TAFA4: variants seen among roughly 807,000 people sequenced by gnomAD.
TAFA4 encodes chemokine-like protein TAFA-4.
Under a neutral mutation model 21.1 loss-of-function variants are expected in TAFA4, and 20 were observed. The ratio of observed to expected loss-of-function variants is 0.95; its 90% CI spans 0.67 to 1.38. The LOEUF is 1.38. TAFA4 is among the 40% of genes most tolerant of loss of function. The pLI is 0.00. For missense variants in TAFA4, 211 were observed against 180.9 expected, an observed-to-expected ratio of 1.17 and a Z score of -0.95; for synonymous variants, 71 against 67.4, an observed-to-expected ratio of 1.05 and a Z score of -0.26.
chr3:68,897,279 A>C (rs1403307996), intron 1 of TAFA4, among the ~76,000 whole-genome samples: 2 of 152,178 alleles, frequency 1.3e-5, no homozygotes, highest in Non-Finnish European at 2.9e-5. Flanking sequence ...TCAGTAAGTG[A>C]ACAGGACCTT....
Position 68,897,027 on chromosome 3 carries a change from C to T in TAFA4, c.-122-11717G>A, listed in dbSNP as rs150478231. On this transcript the variant is annotated intron_variant, in intron 1 of 5. Coordinates refer to ENST00000295569, the MANE Select transcript of TAFA4 (RefSeq NM_182522.5). The stretch of plus-strand genomic sequence containing the variant: ...AAGTGATTCTCCTGCCTCAGCCTCC[C>T]GAGTAGCTGGGACTACAGGCACACG... 1.4e-3 allele frequency among the ~76,000 whole-genome samples: 220 copies of T among 152,182 alleles called. 1 individual carries two copies. Among genetic ancestry groups the T allele is most frequent in the African/African-American group, 4.9e-3 (205 of 41,546 alleles).
intron 3 of TAFA4, among the ~76,000 whole-genome samples, chr3:68,848,692 C>T (rs1255334537): frequency 1.3e-5 from 2 of 152,166 alleles, no homozygotes; most frequent in Non-Finnish European, 2.9e-5. Flanking sequence ...ACCAGTGGCT[C>T]AGACAGTAAT....
At chr3:68,836,139 G>A (rs554664686) in intron 3 of TAFA4, among the ~76,000 whole-genome samples, 8 of 152,256 alleles carry the variant, frequency 5.3e-5, no homozygotes, top group South Asian at 4.1e-4. Context: ...CTCCCGCTTC[G>A]GGCCCCTTAT....
chr3:68,801,021 G>A (rs1359829286), intron 3 of TAFA4, among the ~76,000 whole-genome samples: 1 of 152,112 alleles, frequency 6.6e-6, no homozygotes, highest in East Asian at 1.9e-4. Context: ...GTGTTGAATG[G>A]CCAAGAGATG....
chr3:68,879,823 T>C (rs747753728), intron 3 of TAFA4, among the ~76,000 whole-genome samples: 6 of 152,178 alleles, frequency 3.9e-5, no homozygotes, highest in Non-Finnish European at 8.8e-5. Flanking sequence ...ACAAGACCTT[T>C]GGAGACAGAA....
chr3:68,856,245 T>C (rs111697586), intron 3 of TAFA4, among the ~76,000 whole-genome samples: 1,919 of 152,216 alleles, frequency 0.013, 37 homozygotes, highest in African/African-American at 0.044. Context: ...GGTAGGAGCA[T>C]GGCGGGAGAG....
intron 3 of TAFA4, among the ~76,000 whole-genome samples, chr3:68,781,846 C>T (rs547931881): frequency 1.3e-5 from 2 of 151,972 alleles, no homozygotes; most frequent in African/African-American, 2.4e-5. Flanking sequence ...AAAATAGATG[C>T]AAAAATCCTT....
At chr3:68,855,446 T>C (rs1449772555) in intron 3 of TAFA4, among the ~76,000 whole-genome samples, 3 of 152,094 alleles carry the variant, frequency 2.0e-5, no homozygotes, top group African/African-American at 4.8e-5. Context: ...TTCTGTATAA[T>C]AGTAAAAATT....
chr3:68,764,619 A>G (rs1702814125), intron 3 of TAFA4, among the ~76,000 whole-genome samples: 1 of 152,050 alleles, frequency 6.6e-6, no homozygotes, highest in Non-Finnish European at 1.5e-5. Flanking sequence ...AGCCTAATTC[A>G]TTTTCGATCA....
intron 3 of TAFA4, among the ~76,000 whole-genome samples, chr3:68,823,478 C>T (rs1367963891): frequency 2.0e-5 from 3 of 152,054 alleles, no homozygotes; most frequent in Admixed American, 2.0e-4. Context: ...GGTACATGTG[C>T]AGGACATACA....
chr3:68,909,135 C>T (rs1026316014), intron 1 of TAFA4, among the ~76,000 whole-genome samples: 9 of 152,118 alleles, frequency 5.9e-5, no homozygotes, highest in Admixed American at 3.3e-4. Context: ...CTAGACAACG[C>T]CATATGCCAA....
chr3:68,907,873 T>C (rs892849573), intron 1 of TAFA4, among the ~76,000 whole-genome samples: 2 of 152,206 alleles, frequency 1.3e-5, no homozygotes, highest in South Asian at 2.1e-4. Flanking sequence ...GTAAGCATCA[T>C]GCCAATCCCA....
At chr3:68,792,152 C>T (rs970878464) in intron 3 of TAFA4, among the ~76,000 whole-genome samples, 15 of 152,098 alleles carry the variant, frequency 9.9e-5, no homozygotes, top group Middle Eastern at 6.3e-3. Flanking sequence ...TTCACTCATT[C>T]GCAAAATGAA....
intron 1 of TAFA4, among the ~76,000 whole-genome samples, chr3:68,904,952 T>C (rs958498253): frequency 6.6e-6 from 1 of 152,062 alleles, no homozygotes; most frequent in African/African-American, 2.4e-5. Flanking sequence ...GCTGAGGAGA[T>C]GTAACATGAG....
intron 3 of TAFA4, among the ~76,000 whole-genome samples, chr3:68,783,689 G>C (rs1559519678): frequency 8.5e-6 from 1 of 117,028 alleles, no homozygotes; most frequent in Non-Finnish European, 1.7e-5. Flanking sequence ...GAGAGAGAGA[G>C]AGAGAGAGAG....
intron 1 of TAFA4, among the ~76,000 whole-genome samples, chr3:68,901,856 A>C (rs2089846363): frequency 6.6e-6 from 1 of 152,204 alleles, no homozygotes; most frequent in South Asian, 2.1e-4. Context: ...CACTGTTTAC[A>C]TCCTTTCAGT....
At chr3:68,846,794 G>A (rs570877448) in intron 3 of TAFA4, among the ~76,000 whole-genome samples, 28 of 152,168 alleles carry the variant, frequency 1.8e-4, no homozygotes, top group Non-Finnish European at 3.8e-4. Context: ...CAGGTCTGCT[G>A]GAATTTGCTG....
chr3:68,886,870 C>G (rs186503370), intron 1 of TAFA4, among the ~76,000 whole-genome samples: 1 of 152,296 alleles, frequency 6.6e-6, no homozygotes, highest in East Asian at 1.9e-4. Context: ...AGTCCAATAG[C>G]ACAAAGGCAA....
rs1210766935 is a variant in TAFA4, at chr3:68,732,142, G to C, written c.*1000C>G. 1.3e-5 allele frequency: 2 copies of C among 152,540 alleles called. No homozygotes were observed. The highest frequency in any genetic ancestry group is 1.9e-4 in the East Asian group (1 of 5,192). 9.4% of individuals were successfully genotyped at this position (152,540 alleles called of 1,614,324 possible). A position where few individuals can be genotyped will look rare whatever the true frequency, so the allele number is the denominator to read the frequency against. On this transcript the variant is annotated 3_prime_UTR_variant, in exon 6 of 6. Transcript: ENST00000295569. The stretch of plus-strand genomic sequence containing the variant: ...GACATGTCTGCTGCAAAATCATTAA[G>C]CCAATCAGGACTCAGATTTTAAAGA...
Sources: allele counts gnomAD v4.1 joint callset (sites outside exome capture counted in the v4.1 genomes callset), GRCh38; gene constraint gnomAD v4.1.1; transcripts MANE v1.5; gene names NCBI Gene and HGNC (gene_info 2026-07-23, HGNC 2026-07-21).